SQOR: variants seen among roughly 807,000 people sequenced by gnomAD.
The protein encoded by SQOR is sulfide quinone oxidoreductase.
In SQOR, 39 loss-of-function variants were observed where a neutral mutation model predicts 48.6. The ratio of observed to expected loss-of-function variants is 0.80; its 90% CI spans 0.62 to 1.05. The LOEUF is 1.05. Among genes scored for constraint, SQOR ranks in the 50% least tolerant of loss-of-function variants. The pLI is 0.00. For missense variants in SQOR, 561 were observed against 559.9 expected, an observed-to-expected ratio of 1.00 and a Z score of -0.02; for synonymous variants, 220 against 206.2, an observed-to-expected ratio of 1.07 and a Z score of -0.57.
intron 6 of SQOR, among the ~76,000 whole-genome samples, chr15:45,679,926 A>G (rs529590768): frequency 2.2e-4 from 33 of 152,310 alleles, no homozygotes; most frequent in Non-Finnish European, 4.3e-4. Flanking sequence ...AGTCTCCCCA[A>G]TGCTGCTAAT....
At chr15:45,673,332 C>T (rs937179639) in intron 4 of SQOR, among the ~76,000 whole-genome samples, 1 of 152,156 alleles carries the variant, frequency 6.6e-6, no homozygotes, top group Non-Finnish European at 1.5e-5. Context: ...TGTCCTCACT[C>T]CGATGGTGGG....
intron 5 of SQOR, 165 bp downstream of exon 5, chr15:45,673,966 G>GA: frequency 1.5e-6 from 1 of 686,942 alleles, no homozygotes; most frequent in South Asian, 2.0e-5. Context: ...TAAAAGAGGA[G>GA]AAAATCACTC....
At chr15:45,663,776 A>T (rs192172469) in intron 3 of SQOR, among the ~76,000 whole-genome samples, 5 of 151,430 alleles carry the variant, frequency 3.3e-5, no homozygotes, top group Admixed American at 2.0e-4. Flanking sequence ...ATAAAAAAAT[A>T]AAAAAAACAC....
In SQOR at chr15:45,635,079, G is replaced by C. The variant is rs1894975258; in HGVS notation, c.-47G>C. 1 of 152,268 alleles carries C rather than the reference G, an allele frequency of 6.6e-6. No homozygotes were observed. The allele number at this position is 152,268 out of a possible 1,614,324, so 9.4% of individuals were successfully genotyped here. A position where few individuals can be genotyped will look rare whatever the true frequency, so the allele number is the denominator to read the frequency against. ...GAGCGAAGGTTTTTGCTGCGCCAAC[G>C]CAGTGACCGAAGGCTCCGCTCACGC... On this transcript the variant is annotated 5_prime_UTR_variant, in exon 1 of 10. Transcript: ENST00000260324.
chr15:45,650,029 G>C (rs1889442551), intron 1 of SQOR, among the ~76,000 whole-genome samples: 1 of 151,820 alleles, frequency 6.6e-6, no homozygotes, highest in African/African-American at 2.4e-5. Context: ...TTTTAGTAGA[G>C]ATGCGGTTTC....
At chr15:45,638,167 C>T (rs913215154) in intron 1 of SQOR, among the ~76,000 whole-genome samples, 1 of 152,176 alleles carries the variant, frequency 6.6e-6, no homozygotes, top group Admixed American at 6.5e-5. Context: ...AAAAAACCCT[C>T]GGAAATTTAG....
chr15:45,673,892 CT>C (rs770878216), intron 5 of SQOR, 91 bp downstream of exon 5: 9 of 1,262,252 alleles, frequency 7.1e-6, no homozygotes, highest in South Asian at 5.6e-5. Flanking sequence ...ATTGTAATCC[CT>C]TTTTTATCTC....
intron 1 of SQOR, among the ~76,000 whole-genome samples, chr15:45,652,631 G>A (rs1889515227): frequency 7.0e-6 from 1 of 142,648 alleles, no homozygotes; most frequent in African/African-American, 2.6e-5. Flanking sequence ...TTACAGGCGT[G>A]AGCCTCCTTT....
chr15:45,666,663 C>G (rs888536682), intron 3 of SQOR, among the ~76,000 whole-genome samples: 8 of 152,022 alleles, frequency 5.3e-5, no homozygotes, highest in African/African-American at 1.9e-4. Flanking sequence ...GCCAGCAGTT[C>G]TTGATTGCTG....
chr15:45,658,208 C>A (rs907723461), intron 1 of SQOR, among the ~76,000 whole-genome samples: 1 of 152,184 alleles, frequency 6.6e-6, no homozygotes, highest in African/African-American at 2.4e-5. Flanking sequence ...TGATACCAGG[C>A]AGGGCTCCTT....
chr15:45,660,565 CAGG>C (rs1380249278), intron 2 of SQOR, among the ~76,000 whole-genome samples: 7 of 152,220 alleles, frequency 4.6e-5, no homozygotes, highest in African/African-American at 1.7e-4. Flanking sequence ...TGAGGAAGTA[CAGG>C]ACAGGAATTT....
In SQOR at chr15:45,640,230, G is replaced by A. The variant is rs187462174; in HGVS notation, c.-18+5122G>A. On this transcript the variant is annotated intron_variant, in intron 1 of 9. Coordinates refer to ENST00000260324, the MANE Select transcript of SQOR (RefSeq NM_021199.4). ...AATCTAAGGAGTTATTAGAACAAGC[G>A]TCCCCATTTGAAAGCCTGCTTGTGA... 1.1e-4 allele frequency among the ~76,000 whole-genome samples: 17 copies of A among 152,286 alleles called. No homozygotes were observed. The East Asian group carries it at 2.7e-3, about 24-fold the overall frequency.
rs538589662 is a variant in SQOR at position 45,659,209 on chromosome 15, T to A, written c.234+52T>A. On this transcript the variant is annotated intron_variant, in intron 2 of 9. Transcript: ENST00000260324. ...GTGTGTGTGTACGTGTGTGTGTGTG[T>A]GAGTGTGTGTGTGTGTGTGTTCTGG... is the stretch of plus-strand genomic sequence containing the variant. The A allele has an allele frequency of 2.5e-5, 32 of 1,284,126 alleles. No individual in the cohort carries two copies. The African/African-American group carries it at 3.4e-4, about 14-fold the overall frequency. The allele number at this position is 1,284,126 out of a possible 1,614,324, so 79.5% of individuals were successfully genotyped here.
chr15:45,665,269 A>G (rs1355229339), intron 3 of SQOR, among the ~76,000 whole-genome samples: 1 of 152,120 alleles, frequency 6.6e-6, no homozygotes, highest in African/African-American at 2.4e-5. Flanking sequence ...AGTTGGTGCA[A>G]TGTAGTGGGA....
intron 6 of SQOR, among the ~76,000 whole-genome samples, chr15:45,678,744 G>A (rs1890077646): frequency 6.6e-6 from 1 of 152,092 alleles, no homozygotes; most frequent in Admixed American, 6.6e-5. Flanking sequence ...TTTGTTTTTT[G>A]TGTGTCCTTT....
intron 3 of SQOR, among the ~76,000 whole-genome samples, chr15:45,663,524 G>A (rs1462765688): frequency 6.6e-6 from 1 of 152,116 alleles, no homozygotes; most frequent in Non-Finnish European, 1.5e-5. Flanking sequence ...CCAACACCTT[G>A]GGAGGCTGAG....
intron 1 of SQOR, among the ~76,000 whole-genome samples, chr15:45,649,752 G>A (rs1054198566): frequency 2.0e-5 from 3 of 152,194 alleles, no homozygotes; most frequent in Non-Finnish European, 2.9e-5. Flanking sequence ...CAAAGTGCTG[G>A]AATTACAGGC....
chr15:45,641,441 T>A (rs1247466493), intron 1 of SQOR, among the ~76,000 whole-genome samples: 2 of 152,200 alleles, frequency 1.3e-5, no homozygotes, highest in Non-Finnish European at 2.9e-5. Context: ...TATAGATTGT[T>A]CCTATTTCCC....
intron 1 of SQOR, among the ~76,000 whole-genome samples, chr15:45,648,220 C>T (rs2140940903): frequency 6.6e-6 from 1 of 152,042 alleles, no homozygotes; most frequent in Non-Finnish European, 1.5e-5. Context: ...CCACCGTCAC[C>T]AGGCTGGAGT....
Sources: allele counts gnomAD v4.1 joint callset (sites outside exome capture counted in the v4.1 genomes callset), GRCh38; gene constraint gnomAD v4.1.1; transcripts MANE v1.5; gene names NCBI Gene and HGNC (gene_info 2026-07-23, HGNC 2026-07-21).